Variants in PCCB observed in about 807,000 individuals in gnomAD.
PCCB encodes propionyl-CoA carboxylase beta chain, mitochondrial.
PCCB carries 43 observed loss-of-function variants against 60.7 expected under a neutral mutation model. The ratio of observed to expected loss-of-function variants is 0.71; its 90% CI spans 0.55 to 0.91. PCCB has a LOEUF of 0.91. PCCB is among the 40% of genes least tolerant of loss of function. The pLI is 0.00. For synonymous variants in PCCB, 276 were observed against 255.9 expected (o/e 1.08, Z -0.75); for missense variants, 766 against 702.8 (o/e 1.09, Z -1.02).
chr3:136,298,007 TTTC>T lies in PCCB; in HGVS notation c.823_825del (p.Phe275del). 6.2e-6 allele frequency: 10 copies of T among 1,614,078 alleles called. No individual in the cohort carries two copies. Among genetic ancestry groups the T allele is most frequent in the Non-Finnish European group, 8.5e-6 (10 of 1,179,950 alleles). ...TTGATGCCTTGTGTAATCTCCGGGA[TTTC>T]TTCAACTACCTGCCCCTGAGCAGTC... On this transcript the variant is annotated inframe_deletion, in exon 8 of 15. Coordinates refer to ENST00000251654, the MANE Select transcript of PCCB (RefSeq NM_000532.5).
Position 136,327,709 on chromosome 3 carries a change from G to T in PCCB, c.1375G>T (p.Glu459Ter). 1 of 1,613,964 alleles carries T rather than the reference G, an allele frequency of 6.2e-7. No individual in the cohort carries two copies. The highest frequency in any genetic ancestry group is 1.1e-5 in the South Asian group (1 of 91,068). Reference sequence around the variant, plus strand: ...TACCAACTATGCCTGGCCCACCGCAGAGATTGCAGTCATGGGAGCAAAGGT... The same window carrying T: ...TACCAACTATGCCTGGCCCACCGCATAGATTGCAGTCATGGGAGCAAAGGT... ...GDTNYAWPTA[E>*]IAVMGAKGAV... The change falls in exon 13 of 15, where the codon GAG becomes TAG. Residue 459 changes from glutamate (E) to a stop codon, truncating the protein, a stop_gained. Transcript: ENST00000251654. LOFTEE classifies it high-confidence loss of function.
At chr3:136,326,714 C>A in intron 10 of PCCB, 89 bp from the exon 11 acceptor site, 1 of 938,420 alleles carries the variant, frequency 1.1e-6, no homozygotes, top group Non-Finnish European at 1.8e-6. Flanking sequence ...CAGAAACCAG[C>A]TTTGGATGGC....
chr3:136,258,516 A>C (rs1559996644), intron 3 of PCCB, among the ~76,000 whole-genome samples: 1 of 152,120 alleles, frequency 6.6e-6, no homozygotes, highest in Non-Finnish European at 1.5e-5. Context: ...GTGATCTCCA[A>C]GATGTTAATA....
chr3:136,260,488 GTT>G lies in PCCB; in HGVS notation c.386_387del (p.Phe129TrpfsTer31), dbSNP rs767921086. 14 of 1,613,246 alleles carry G rather than the reference GTT, an allele frequency of 8.7e-6. No individual in the cohort carries two copies. Among genetic ancestry groups the G allele is most frequent in the Admixed American group, 3.3e-5 (2 of 59,990 alleles). ...LVYVFSQDFT[V>X]FGGSLSGAHA... ...TGTATTTTCTTTTTAGGATTTTACAGTTTTTGGAGGCAGTCTGTCAGGAGCAC... is the reference window on the plus strand; with the variant it reads ...TGTATTTTCTTTTTAGGATTTTACAGTTTGGAGGCAGTCTGTCAGGAGCAC... On this transcript the variant is annotated frameshift_variant, in exon 4 of 15. Transcript: ENST00000251654. LOFTEE classifies it high-confidence loss of function.
At position 136,304,254 on chromosome 3, in the gene PCCB, A is replaced by G. The variant is rs1175986692; in HGVS notation, c.966+3143A>G. On this transcript the variant is annotated intron_variant, in intron 9 of 14. Coordinates refer to ENST00000251654, the MANE Select transcript of PCCB (RefSeq NM_000532.5). Reference sequence around the variant, plus strand: ...ACTGCAGGCTTGACCTCCTGTGCTCAAGTGATCTTCCCACTTCAGCCTCCT... The same window carrying G: ...ACTGCAGGCTTGACCTCCTGTGCTCGAGTGATCTTCCCACTTCAGCCTCCT... Among the ~76,000 whole-genome samples the G allele has an allele frequency of 5.1e-5, 6 of 118,184 alleles. 2 individuals carry two copies. Among genetic ancestry groups the G allele is most frequent in the African/African-American group, 1.5e-4 (6 of 39,200 alleles). The allele number at this position is 118,184 out of a possible 152,430, so 77.5% of individuals were successfully genotyped here.
At chr3:136,317,399 T>C (rs1289572752) in intron 10 of PCCB, among the ~76,000 whole-genome samples, 1 of 151,636 alleles carries the variant, frequency 6.6e-6, no homozygotes, top group Non-Finnish European at 1.5e-5. Flanking sequence ...TTTTCTTTTT[T>C]TGTATTTTTG....
At chr3:136,308,149 G>A (rs942191720) in intron 9 of PCCB, among the ~76,000 whole-genome samples, 3 of 151,986 alleles carry the variant, frequency 2.0e-5, no homozygotes, top group Non-Finnish European at 2.9e-5. Flanking sequence ...GAAATATACT[G>A]GGAGAATGGA....
At chr3:136,325,376 T>A (rs1040298119) in intron 10 of PCCB, among the ~76,000 whole-genome samples, 3 of 147,712 alleles carry the variant, frequency 2.0e-5, no homozygotes, top group Non-Finnish European at 3.1e-5. Flanking sequence ...CTTTTTTTTT[T>A]ATTTGAGATG....
Position 136,301,048 on chromosome 3 carries a change from G to A in PCCB, c.903G>A (p.Glu301=), listed in dbSNP as rs1380357041. The A allele has an allele frequency of 1.2e-6, 2 of 1,614,014 alleles. No individual in the cohort carries two copies. The highest frequency in any genetic ancestry group is 1.7e-6 in the Non-Finnish European group (2 of 1,180,008). Reference sequence around the variant, plus strand: ...CCTAAAGTGACCGTCTGGTTCCTGAGCTTGACACAATTGTCCCTTTGGAAT... The same window carrying A: ...CCTAAAGTGACCGTCTGGTTCCTGAACTTGACACAATTGTCCCTTTGGAAT... ...CHDPSDRLVP[E]LDTIVPLEST... is the part of the protein sequence containing the mutation. Residue 301 remains glutamate (E), a synonymous_variant, in exon 9 of 15, where the codon GAG becomes GAA. Transcript: ENST00000251654.
At chr3:136,261,060 A>G (rs1175560534) in intron 4 of PCCB, among the ~76,000 whole-genome samples, 2 of 152,148 alleles carry the variant, frequency 1.3e-5, no homozygotes, top group African/African-American at 4.8e-5. Context: ...AAAGATGTAA[A>G]TTTTTTCCTG....
chr3:136,300,952 T>G (rs946268522), intron 8 of PCCB, 78 bp from the exon 9 acceptor site: 1 of 1,055,272 alleles, frequency 9.5e-7, no homozygotes, highest in Non-Finnish European at 1.5e-6. Context: ...GTCACCCCAT[T>G]TCCTTTCCCA....
intron 3 of PCCB, chr3:136,260,140 C>G (rs1941780596): frequency 2.5e-6 from 1 of 407,676 alleles, no homozygotes; most frequent in African/African-American, 2.0e-5. Context: ...GTGGTGCTGT[C>G]TCAACTCACT....
At chr3:136,254,685 A>G (rs958614131) in intron 1 of PCCB, among the ~76,000 whole-genome samples, 7 of 151,188 alleles carry the variant, frequency 4.6e-5, no homozygotes, top group African/African-American at 1.7e-4. Flanking sequence ...GGCACGTGCC[A>G]CCACTCCCAG....
At chr3:136,273,315 A>C (rs959402795) in intron 5 of PCCB, among the ~76,000 whole-genome samples, 1 of 152,080 alleles carries the variant, frequency 6.6e-6, no homozygotes, top group African/African-American at 2.4e-5. Flanking sequence ...TGTTCTGTAA[A>C]TATCTGTTAA....
At position 136,284,941 on chromosome 3, in the gene PCCB, A is replaced by G. The variant is rs1933316487; in HGVS notation, c.654+994A>G. On this transcript the variant is annotated intron_variant, in intron 6 of 14. Transcript: ENST00000251654. ...ATCTCTACAAAAAAATACAAAAATT[A>G]GCTGGGCGTGGTGGTGCATACCTGT... 2.6e-5 allele frequency among the ~76,000 whole-genome samples: 4 copies of G among 152,114 alleles called. 1 individual carries two copies. In the South Asian group the frequency reaches 8.3e-4, roughly 32 times the overall value.
chr3:136,313,259 G>A (rs1360422351), intron 9 of PCCB, among the ~76,000 whole-genome samples: 4 of 152,104 alleles, frequency 2.6e-5, no homozygotes, highest in Non-Finnish European at 5.9e-5. Context: ...AGATGTACGA[G>A]GTTACGACCA....
At position 136,303,808 on chromosome 3, in the gene PCCB, T is replaced by TG. The variant is rs1276295373; in HGVS notation, c.966+2699dup. Among the ~76,000 whole-genome samples, 2 of 121,972 alleles carry TG rather than the reference T, an allele frequency of 1.6e-5. 1 individual carries two copies. The highest frequency in any genetic ancestry group is 3.7e-5 in the Non-Finnish European group (2 of 54,782). The allele number at this position is 121,972 out of a possible 152,430, so 80.0% of individuals were successfully genotyped here. A position where few individuals can be genotyped will look rare whatever the true frequency, so the allele number is the denominator to read the frequency against. On this transcript the variant is annotated intron_variant, in intron 9 of 14. Coordinates refer to ENST00000251654, the MANE Select transcript of PCCB (RefSeq NM_000532.5). ...TAGTAGAGACACGGTTTCGCCATGT[T>TG]GGCCAGGCTGGTCTTGAACTTCTGA... is the stretch of plus-strand genomic sequence containing the variant.
rs557861228 is a variant in PCCB, at chr3:136,306,949, C to A, written c.966+5838C>A. On this transcript the variant is annotated intron_variant, in intron 9 of 14. Transcript: ENST00000251654. ...CAAACTAGAGAAAATATTAACTGTT[C>A]GATTTTTAAAATAAGGAGAAATACT... Among the ~76,000 whole-genome samples, 9 of 122,348 alleles carry A rather than the reference C, an allele frequency of 7.4e-5. 1 individual carries two copies. The highest frequency in any genetic ancestry group is 2.2e-4 in the African/African-American group (9 of 40,148). 80.3% of individuals were successfully genotyped at this position (122,348 alleles called of 152,430 possible). A position where few individuals can be genotyped will look rare whatever the true frequency, so the allele number is the denominator to read the frequency against.
At chr3:136,326,381 T>G (rs1935310976) in intron 10 of PCCB, 1 of 702,778 alleles carries the variant, frequency 1.4e-6, no homozygotes, top group African/African-American at 1.7e-5. Context: ...GTCCCTACTT[T>G]GCAGGTAAGG....
Sources: gnomAD v4.1 joint callset for allele counts (sites outside exome capture counted in the v4.1 genomes callset) on GRCh38, gnomAD v4.1.1 for gene constraint, MANE v1.5 for transcripts, NCBI Gene and HGNC (gene_info 2026-07-23, HGNC 2026-07-21) for gene names.